Variants in DISP3 observed in about 807,000 individuals in gnomAD.
DISP3 encodes dispatched RND transporter family member 3.
In DISP3, 101 loss-of-function variants were observed where a neutral mutation model predicts 135.3. The observed-to-expected ratio is 0.75, with a 90% confidence interval of 0.64 to 0.88. The LOEUF (loss-of-function observed/expected upper bound fraction) is 0.88, where lower values mean the gene tolerates loss of function less well. Among genes scored for constraint, DISP3 ranks in the 40% least tolerant of loss-of-function variants. The probability of loss-of-function intolerance (pLI) is 0.00; values close to 1 mark genes in which losing one functional copy is unlikely to be tolerated. For synonymous variants in DISP3, 856 were observed against 817.0 expected, an observed-to-expected ratio of 1.05 and a Z score of -0.81; for missense variants, 1,713 against 1,878.6, an observed-to-expected ratio of 0.91 and a Z score of 1.63.
At chr1:11,504,297 A>G (rs891908528) in intron 3 of DISP3, among the ~76,000 whole-genome samples, 2 of 152,250 alleles carry the variant, frequency 1.3e-5, no homozygotes, top group African/African-American at 4.8e-5. Context: ...TAAGTTGTCC[A>G]CAATTTTAAA....
chr1:11,518,303 G>GAGGGA (rs1392601767), intron 7 of DISP3, among the ~76,000 whole-genome samples: 4 of 152,226 alleles, frequency 2.6e-5, no homozygotes, highest in Admixed American at 2.0e-4. Flanking sequence ...AGAGGGGCTG[G>GAGGGA]AGGGAGAGAA....
Position 11,516,286 on chromosome 1 carries a change from T to A in DISP3, c.1749+125T>A. ...AGCCTTCACCTCAAGGTACTTGCCC[T>A]GGCTCTAGAGTTCATTTTTGTCACG... is the stretch of plus-strand genomic sequence containing the variant. On this transcript the variant is annotated intron_variant, in intron 6 of 20. Transcript: ENST00000294484. The surrounding 1 kb of genome is among the most constrained non-coding windows in gnomAD (Gnocchi z 5.1). 8.3e-7 allele frequency: 1 copy of A among 1,199,192 alleles called. No individual in the cohort carries two copies. Among genetic ancestry groups the A allele is most frequent in the South Asian group, 1.6e-5 (1 of 61,240 alleles). The allele number at this position is 1,199,192 out of a possible 1,614,324, so 74.3% of individuals were successfully genotyped here.
At position 11,513,102 on chromosome 1, in the gene DISP3, G is replaced by A. The variant is rs183438931; in HGVS notation, c.1317-1288G>A. 7.1e-4 allele frequency among the ~76,000 whole-genome samples: 108 copies of A among 152,152 alleles called. 2 individuals carry two copies. Among genetic ancestry groups the A allele is most frequent in the African/African-American group, 2.5e-3 (105 of 41,506 alleles). ...AGATTTGGGTGGGGACACAGCCAAAGCCTATCACCATCTCTACTAAAAAAT... is the reference window on the plus strand; with the variant it reads ...AGATTTGGGTGGGGACACAGCCAAAACCTATCACCATCTCTACTAAAAAAT... On this transcript the variant is annotated intron_variant, in intron 3 of 20. Transcript: ENST00000294484.
chr1:11,501,538 C>G lies in DISP3; in HGVS notation c.546C>G (p.Gly182=). The G allele has an allele frequency of 6.3e-7, 1 of 1,594,834 alleles. No individual in the cohort carries two copies. Among genetic ancestry groups the G allele is most frequent in the Non-Finnish European group, 8.5e-7 (1 of 1,169,796 alleles). ...TCATCCCCGCGGCCTCACTCGGTGGCCCAGGCCCTTACCGGGACACTTCCG... is the reference window on the plus strand; with the variant it reads ...TCATCCCCGCGGCCTCACTCGGTGGGCCAGGCCCTTACCGGGACACTTCCG... ...PRVIPAASLG[G]PGPYRDTSAA... The change falls in exon 2 of 21, where the codon GGC becomes GGG. Residue 182 remains glycine (G), a synonymous_variant. Transcript: ENST00000294484. The surrounding 1 kb of genome is among the most constrained non-coding windows in gnomAD (Gnocchi z 4.9).
intron 6 of DISP3, among the ~76,000 whole-genome samples, chr1:11,517,034 T>C (rs2100457857): frequency 6.6e-6 from 1 of 152,206 alleles, no homozygotes; most frequent in South Asian, 2.1e-4. Context: ...TTCTGGAACA[T>C]ACCCATTGCT....
chr1:11,481,007 C>G (rs896289601), intron 1 of DISP3, among the ~76,000 whole-genome samples: 1 of 151,670 alleles, frequency 6.6e-6, no homozygotes, highest in African/African-American at 2.4e-5. Context: ...CTTGTACCCT[C>G]TGTTTCCCTG....
chr1:11,485,948 A>T (rs1641026095), intron 1 of DISP3, among the ~76,000 whole-genome samples: 1 of 152,100 alleles, frequency 6.6e-6, no homozygotes, highest in Non-Finnish European at 1.5e-5. Context: ...GCCTTTGAGG[A>T]TGAGTATGAT....
chr1:11,489,579 A>G (rs934998067), intron 1 of DISP3, among the ~76,000 whole-genome samples: 4 of 152,214 alleles, frequency 2.6e-5, no homozygotes, highest in African/African-American at 9.6e-5. Context: ...CTCTCCCAGC[A>G]TCCAGCCCCC....
At chr1:11,489,379 C>T (rs757578617) in intron 1 of DISP3, among the ~76,000 whole-genome samples, 2 of 152,228 alleles carry the variant, frequency 1.3e-5, no homozygotes, top group African/African-American at 4.8e-5. Context: ...CCAAGCCTTC[C>T]GCAGAGCTAG....
chr1:11,501,211 T>C lies in DISP3; in HGVS notation c.219T>C (p.Cys73=), dbSNP rs1029833566. ...GCTGGGCCTTCACCAATCCGTGCTG[T>C]GCTGGGCTGGTGCTCTTCCTGGGCT... is the stretch of plus-strand genomic sequence containing the variant. ...TLGWAFTNPC[C]AGLVLFLGCS... is the part of the protein sequence containing the mutation. Residue 73 remains cysteine, a synonymous_variant, in exon 2 of 21, where the codon TGT becomes TGC. Coordinates refer to ENST00000294484, the MANE Select transcript of DISP3 (RefSeq NM_020780.2). This position sits in a 1 kb window ranked among gnomAD's most constrained non-coding sequence, Gnocchi z 4.9. 6.2e-7 allele frequency: 1 copy of C among 1,614,194 alleles called. No individual in the cohort carries two copies. Among genetic ancestry groups the C allele is most frequent in the Non-Finnish European group, 8.5e-7 (1 of 1,180,026 alleles).
rs1641540954 is a variant in DISP3, at chr1:11,501,835, G to T, written c.843G>T (p.Ala281=). ...GGCGCATCGAGCTCATCTTCCTGGCGCGCGGCGACGCGGAGCGCAACATTT... is the reference window on the plus strand; with the variant it reads ...GGCGCATCGAGCTCATCTTCCTGGCTCGCGGCGACGCGGAGCGCAACATTT... The part of the protein sequence containing the change: ...AHWRIELIFL[A]RGDAERNIFT... Residue 281 remains alanine, a synonymous_variant, in exon 2 of 21, where the codon GCG becomes GCT. Transcript: ENST00000294484. The surrounding 1 kb of genome is among the most constrained non-coding windows in gnomAD (Gnocchi z 4.9). 7 of 1,611,336 alleles carry T rather than the reference G, an allele frequency of 4.3e-6. No homozygotes were observed. The highest frequency in any genetic ancestry group is 1.1e-5 in the South Asian group (1 of 90,874).
chr1:11,512,534 A>T (rs1231818053), intron 3 of DISP3, among the ~76,000 whole-genome samples: 1 of 152,158 alleles, frequency 6.6e-6, no homozygotes, highest in Non-Finnish European at 1.5e-5. Context: ...TCCATCTGAG[A>T]CCACCTCAGC....
In DISP3 at chr1:11,501,539, C is replaced by G; in HGVS notation, c.547C>G (p.Pro183Ala). 1 of 1,594,778 alleles carries G rather than the reference C, an allele frequency of 6.3e-7. No homozygotes were observed. The highest frequency in any genetic ancestry group is 8.5e-7 in the Non-Finnish European group (1 of 1,169,708). The change falls in exon 2 of 21, where the codon CCA becomes GCA. Residue 183 changes from proline to alanine, a missense_variant. Coordinates refer to ENST00000294484, the MANE Select transcript of DISP3 (RefSeq NM_020780.2). The surrounding 1 kb of genome is among the most constrained non-coding windows in gnomAD (Gnocchi z 4.9). ...CATCCCCGCGGCCTCACTCGGTGGC[C>G]CAGGCCCTTACCGGGACACTTCCGC... ...RVIPAASLGGPGPYRDTSAAQ... is the reference protein window; with the variant it reads ...RVIPAASLGGAGPYRDTSAAQ...
chr1:11,496,594 A>T (rs894589419), intron 1 of DISP3, among the ~76,000 whole-genome samples: 1 of 152,180 alleles, frequency 6.6e-6, no homozygotes, highest in African/African-American at 2.4e-5. Flanking sequence ...TTGCTAAGCT[A>T]ATCAATTCCC....
chr1:11,495,577 G>C (rs973655115), intron 1 of DISP3, among the ~76,000 whole-genome samples: 3 of 152,164 alleles, frequency 2.0e-5, no homozygotes, highest in Non-Finnish European at 4.4e-5. Context: ...ATGATCTTGG[G>C]TTAGTCCCTT....
At chr1:11,526,014 T>C (rs1005629245) in intron 12 of DISP3, among the ~76,000 whole-genome samples, 3 of 152,206 alleles carry the variant, frequency 2.0e-5, no homozygotes, top group East Asian at 1.9e-4. Context: ...GGTCTCTCTG[T>C]GTAGCCCAGG....
rs1453920458 is a variant in DISP3, at chr1:11,528,476, C to G, written c.2799-1080C>G. 2.0e-5 allele frequency among the ~76,000 whole-genome samples: 3 copies of G among 152,340 alleles called. No homozygotes were observed. The South Asian group carries it at 6.2e-4, about 32-fold the overall frequency. ...GGGCTTCAACTGTGCTGGCACTGTGCTAGGGATATGGTAGTGACAAAGACA... is the reference window on the plus strand; with the variant it reads ...GGGCTTCAACTGTGCTGGCACTGTGGTAGGGATATGGTAGTGACAAAGACA... On this transcript the variant is annotated intron_variant, in intron 13 of 20. Transcript: ENST00000294484.
At chr1:11,533,718 C>T in intron 17 of DISP3, 1 of 708,944 alleles carries the variant, frequency 1.4e-6, no homozygotes, top group East Asian at 2.7e-5. Flanking sequence ...GCTGACCCCA[C>T]CAGCACTCAG....
intron 11 of DISP3, 97 bp downstream of exon 11, chr1:11,524,152 C>G (rs1642338925): frequency 1.1e-6 from 1 of 949,622 alleles, no homozygotes; most frequent in Middle Eastern, 2.9e-4. Context: ...GATTCTCCTT[C>G]AAGAAGGAGA....
Sources: allele counts gnomAD v4.1 joint callset (sites outside exome capture counted in the v4.1 genomes callset), GRCh38; gene constraint gnomAD v4.1.1; non-coding constraint Gnocchi (gnomAD v3.1); transcripts MANE v1.5; gene names NCBI Gene and HGNC (gene_info 2026-07-23, HGNC 2026-07-21).